Variants in PARM1 observed in about 807,000 individuals in gnomAD.
PARM1 encodes prostate androgen-regulated mucin-like protein 1.
In PARM1, 14 loss-of-function variants were observed where a neutral mutation model predicts 24.6. That is an observed-to-expected ratio of 0.57 (90% CI 0.38 to 0.89). The LOEUF is 0.89. Among genes scored for constraint, PARM1 ranks in the 40% least tolerant of loss-of-function variants. PARM1 has a pLI of 0.00. For missense variants in PARM1, 362 were observed against 380.4 expected, an observed-to-expected ratio of 0.95 and a Z score of 0.40; for synonymous variants, 179 against 156.6, an observed-to-expected ratio of 1.14 and a Z score of -1.07.
In PARM1 at chr4:75,046,273, ATTAACTGTTC is replaced by A; in HGVS notation, c.*29_*38del. 7.0e-7 allele frequency: 1 copy of A among 1,423,816 alleles called. No individual in the cohort carries two copies. The highest frequency in any genetic ancestry group is 9.9e-7 in the Non-Finnish European group (1 of 1,007,438). The allele number at this position is 1,423,816 out of a possible 1,614,324, so 88.2% of individuals were successfully genotyped here. On this transcript the variant is annotated 3_prime_UTR_variant, in exon 4 of 4. Transcript: ENST00000307428. ...CAATGGAATATGGCCTGGGATGAGG[ATTAACTGTTC>A]TTTATTTATAAGTGCTTATCCAGTA...
intron 1 of PARM1, among the ~76,000 whole-genome samples, chr4:74,963,632 G>A (rs1396204957): frequency 6.6e-6 from 1 of 152,112 alleles, no homozygotes; most frequent in East Asian, 1.9e-4. Context: ...GTAGATTAGT[G>A]GTTGCCAGGG....
intron 2 of PARM1, among the ~76,000 whole-genome samples, chr4:75,032,808 G>A (rs1457987487): frequency 6.6e-6 from 1 of 152,162 alleles, no homozygotes; most frequent in African/African-American, 2.4e-5. Context: ...TTTGCAGTGT[G>A]TTTAAGAGTC....
intron 1 of PARM1, 118 bp downstream of exon 1, chr4:74,933,488 T>G: frequency 2.4e-6 from 2 of 818,968 alleles, no homozygotes; most frequent in Non-Finnish European, 4.1e-6. Flanking sequence ...TCCGGGTGAG[T>G]GCGCAGGTGT....
At chr4:74,979,380 G>T (rs977271461) in intron 1 of PARM1, among the ~76,000 whole-genome samples, 8 of 152,088 alleles carry the variant, frequency 5.3e-5, no homozygotes, top group African/African-American at 1.9e-4. Flanking sequence ...ATAAATTCCT[G>T]GACACATACA....
At chr4:74,998,696 A>G (rs955097384) in intron 1 of PARM1, among the ~76,000 whole-genome samples, 1 of 152,170 alleles carries the variant, frequency 6.6e-6, no homozygotes, top group Non-Finnish European at 1.5e-5. Context: ...TATGCTATTC[A>G]TATTTTGGTG....
At chr4:75,034,007 G>C in intron 3 of PARM1, 46 bp downstream of exon 3, 1 of 1,453,250 alleles carries the variant, frequency 6.9e-7, no homozygotes, top group Non-Finnish European at 9.5e-7. Context: ...TGTTTTGTTG[G>C]GCTCTGGGCT....
At chr4:74,991,514 CAG>C (rs10604403) in intron 1 of PARM1, among the ~76,000 whole-genome samples, 10,157 of 151,046 alleles carry the variant, frequency 0.067, 399 homozygotes, top group African/African-American at 0.1. Context: ...ACCAGAGATG[CAG>C]AGAGAGAGAG....
chr4:74,943,533 T>C (rs1410768571), intron 1 of PARM1, among the ~76,000 whole-genome samples: 1 of 152,154 alleles, frequency 6.6e-6, no homozygotes, highest in Admixed American at 6.5e-5. Context: ...TTAGTCTTCA[T>C]TGAGGATTAC....
intron 1 of PARM1, among the ~76,000 whole-genome samples, chr4:75,001,796 C>A (rs1214079036): frequency 1.3e-5 from 2 of 152,094 alleles, no homozygotes; most frequent in African/African-American, 4.8e-5. Context: ...GGTTTCCTCT[C>A]CCCCATCAGA....
At chr4:75,019,078 G>A (rs1364639818) in intron 2 of PARM1, among the ~76,000 whole-genome samples, 3 of 152,210 alleles carry the variant, frequency 2.0e-5, no homozygotes, top group Non-Finnish European at 4.4e-5. Flanking sequence ...TGGCTGTGCA[G>A]AAGAAGAGTT....
At chr4:74,967,586 G>A (rs1351395853) in intron 1 of PARM1, 2 of 152,052 alleles carry the variant, frequency 1.3e-5, no homozygotes, top group Non-Finnish European at 2.9e-5. Flanking sequence ...GTTCAAAGTT[G>A]GTTGGGCTTT....
chr4:74,964,170 A>G (rs890616259), intron 1 of PARM1, among the ~76,000 whole-genome samples: 10 of 152,316 alleles, frequency 6.6e-5, no homozygotes, highest in African/African-American at 2.4e-4. Flanking sequence ...GGGACAAGTC[A>G]ATTAGCATTA....
intron 1 of PARM1, among the ~76,000 whole-genome samples, chr4:74,990,728 T>C (rs151177131): frequency 1.3e-5 from 2 of 152,238 alleles, no homozygotes; most frequent in Non-Finnish European, 2.9e-5. Context: ...ATTAGGATAA[T>C]CAGACTAATT....
In PARM1 at chr4:74,989,790, C is replaced by T. The variant is rs368304402; in HGVS notation, c.44-22635C>T. On this transcript the variant is annotated intron_variant, in intron 1 of 3. Coordinates refer to ENST00000307428, the MANE Select transcript of PARM1 (RefSeq NM_015393.4). ...CCAGCCACCAGTCATCTCGTGAGCA[C>T]ACAAAAGACACTATTATCACTCTAG... 3.3e-3 allele frequency among the ~76,000 whole-genome samples: 508 copies of T among 152,208 alleles called. 6 individuals carry two copies. Among genetic ancestry groups the T allele is most frequent in the African/African-American group, 0.011 (473 of 41,536 alleles).
intron 1 of PARM1, among the ~76,000 whole-genome samples, chr4:74,954,148 A>C (rs1401625011): frequency 1.3e-5 from 2 of 152,242 alleles, no homozygotes; most frequent in African/African-American, 2.4e-5. Context: ...TTTCAGCAAG[A>C]GCTACCCAGG....
At chr4:75,044,881 A>G (rs1723569372) in intron 3 of PARM1, among the ~76,000 whole-genome samples, 1 of 152,098 alleles carries the variant, frequency 6.6e-6, no homozygotes, top group African/African-American at 2.4e-5. Flanking sequence ...TGTTCAGGGA[A>G]ACTCCCCCTT....
chr4:75,011,459 G>T (rs933216686), intron 1 of PARM1, among the ~76,000 whole-genome samples: 6 of 151,858 alleles, frequency 4.0e-5, no homozygotes, highest in African/African-American at 9.7e-5. Context: ...ATGACTGGGG[G>T]AAATACTAGT....
rs1723676660 is a variant in PARM1 at position 75,049,553 on chromosome 4, T to A, written c.*3306T>A. 2 of 152,496 alleles carry A rather than the reference T, an allele frequency of 1.3e-5. No individual in the cohort carries two copies. Among genetic ancestry groups the A allele is most frequent in the Non-Finnish European group, 2.9e-5 (2 of 68,042 alleles). 9.4% of individuals were successfully genotyped at this position (152,496 alleles called of 1,614,324 possible). A position where few individuals can be genotyped will look rare whatever the true frequency, so the allele number is the denominator to read the frequency against. Reference sequence around the variant, plus strand: ...ACCATGCCTGGTGCCACAGCCATGGTTTCCATTTCTAGATGAAAGGATGGC... The same window carrying A: ...ACCATGCCTGGTGCCACAGCCATGGATTCCATTTCTAGATGAAAGGATGGC... On this transcript the variant is annotated 3_prime_UTR_variant, in exon 4 of 4. Coordinates refer to ENST00000307428, the MANE Select transcript of PARM1 (RefSeq NM_015393.4).
At chr4:74,959,460 A>G (rs1313835975) in intron 1 of PARM1, among the ~76,000 whole-genome samples, 1 of 152,020 alleles carries the variant, frequency 6.6e-6, no homozygotes, top group Admixed American at 6.6e-5. Context: ...CTGATGTTCC[A>G]CTCAGCCACC....
Sources: gnomAD v4.1 joint callset for allele counts (sites outside exome capture counted in the v4.1 genomes callset) on GRCh38, gnomAD v4.1.1 for gene constraint, MANE v1.5 for transcripts, NCBI Gene and HGNC (gene_info 2026-07-23, HGNC 2026-07-21) for gene names.